Variants in CADM2 observed in about 807,000 individuals in gnomAD.
CADM2 encodes immunoglobulin superfamily member 4D.
CADM2 carries 12 observed loss-of-function variants against 49.8 expected under a neutral mutation model. That is an observed-to-expected ratio of 0.24 (90% CI 0.15 to 0.39). The LOEUF is 0.39. CADM2 is among the 10% of genes least tolerant of loss of function. The pLI is 1.00. For synonymous variants in CADM2, 214 were observed against 175.4 expected (o/e 1.22, Z -1.74); for missense variants, 378 against 492.3 (o/e 0.77, Z 2.20).
At chr3:85,176,412 T>A (rs1217027642) in intron 1 of CADM2, among the ~76,000 whole-genome samples, 1 of 152,220 alleles carries the variant, frequency 6.6e-6, no homozygotes, top group Non-Finnish European at 1.5e-5. Context: ...TTGGGAATAA[T>A]TTTGAAATGA....
intron 1 of CADM2, among the ~76,000 whole-genome samples, chr3:85,511,361 C>T (rs2040609025): frequency 6.6e-6 from 1 of 152,086 alleles, no homozygotes; most frequent in African/African-American, 2.4e-5. Flanking sequence ...AATTTGCAAA[C>T]AGTGTAATTC....
chr3:85,574,901 A>G (rs1197703056), intron 1 of CADM2, among the ~76,000 whole-genome samples: 1 of 152,174 alleles, frequency 6.6e-6, no homozygotes, highest in Non-Finnish European at 1.5e-5. Context: ...GTTGTGACCT[A>G]GCTAATCCCA....
intron 1 of CADM2, among the ~76,000 whole-genome samples, chr3:85,452,103 T>C (rs925566940): frequency 7.9e-5 from 12 of 152,152 alleles, no homozygotes; most frequent in South Asian, 2.1e-4. Context: ...TTGCCTTTTC[T>C]AGCATGTGAT....
intron 8 of CADM2, among the ~76,000 whole-genome samples, chr3:86,038,195 CA>C (rs1735416202): frequency 6.6e-6 from 1 of 152,078 alleles, no homozygotes; most frequent in Non-Finnish European, 1.5e-5. Context: ...CAACAAAAAA[CA>C]AAAACTACAT....
intron 6 of CADM2, among the ~76,000 whole-genome samples, chr3:85,920,179 A>G (rs548796823): frequency 6.6e-6 from 1 of 152,044 alleles, no homozygotes; most frequent in South Asian, 2.1e-4. Flanking sequence ...GAAGACGAAT[A>G]TTCCAAGGAG....
At chr3:85,639,335 C>T (rs2064630788) in intron 1 of CADM2, among the ~76,000 whole-genome samples, 1 of 152,156 alleles carries the variant, frequency 6.6e-6, no homozygotes, top group Non-Finnish European at 1.5e-5. Context: ...AGTTATGCAT[C>T]ACTAAACATT....
chr3:85,426,143 C>T (rs78690371), intron 1 of CADM2, among the ~76,000 whole-genome samples: 1,794 of 142,630 alleles, frequency 0.013, 43 homozygotes, highest in African/African-American at 0.042. Flanking sequence ...TTTTTTTTTT[C>T]TTTTTTTTTA....
intron 1 of CADM2, among the ~76,000 whole-genome samples, chr3:85,468,749 A>G (rs2038634782): frequency 6.6e-6 from 1 of 152,152 alleles, no homozygotes; most frequent in Admixed American, 6.5e-5. Flanking sequence ...TTGGGTGGTG[A>G]TACCAGAATA....
chr3:86,065,587 T>A lies in CADM2; in HGVS notation c.971-18T>A, dbSNP rs1376528479. 5 of 1,605,034 alleles carry A rather than the reference T, an allele frequency of 3.1e-6. No individual in the cohort carries two copies. Among genetic ancestry groups the A allele is most frequent in the Non-Finnish European group, 4.2e-6 (5 of 1,177,060 alleles). ...AAATAACACATTAAATAGAACAATA[T>A]TTTCCTGTCTTTTCCAGATCCTAAT... On this transcript the variant is annotated intron_variant, in intron 8 of 9. Coordinates refer to ENST00000383699, the MANE Select transcript of CADM2 (RefSeq NM_001167675.2).
At chr3:85,718,262 A>C (rs1395128758) in intron 1 of CADM2, among the ~76,000 whole-genome samples, 1 of 152,210 alleles carries the variant, frequency 6.6e-6, no homozygotes, top group Non-Finnish European at 1.5e-5. Context: ...TTATAGATTT[A>C]GGGTATTTCT....
chr3:86,041,842 T>A (rs1004013198), intron 8 of CADM2, among the ~76,000 whole-genome samples: 1 of 152,140 alleles, frequency 6.6e-6, no homozygotes, highest in Non-Finnish European at 1.5e-5. Context: ...AAAACACTCC[T>A]CAGCAAATGT....
At chr3:85,049,005 G>C (rs962134905) in intron 1 of CADM2, among the ~76,000 whole-genome samples, 1 of 152,126 alleles carries the variant, frequency 6.6e-6, no homozygotes, top group Non-Finnish European at 1.5e-5. Context: ...ATAATGGATG[G>C]TAGGAAGGGA....
chr3:86,030,038 G>C (rs1734370874), intron 8 of CADM2, among the ~76,000 whole-genome samples: 1 of 151,888 alleles, frequency 6.6e-6, no homozygotes, highest in African/African-American at 2.4e-5. Flanking sequence ...AAATGTGTAG[G>C]TTAAGGAAGG....
At chr3:85,943,727 C>A (rs1342557477) in intron 7 of CADM2, among the ~76,000 whole-genome samples, 3 of 151,742 alleles carry the variant, frequency 2.0e-5, no homozygotes, top group Non-Finnish European at 4.4e-5. Context: ...CCAAACAGAG[C>A]CCTCAGAAAT....
At position 85,136,044 on chromosome 3, in the gene CADM2, A is replaced by C. The variant is rs1329305398; in HGVS notation, c.61+176376A>C. On this transcript the variant is annotated intron_variant, in intron 1 of 9. Coordinates refer to ENST00000383699, the MANE Select transcript of CADM2 (RefSeq NM_001167675.2). ...GTGTTTTATTGTGAAAATGGTTTCAAGTATCGTTGTCTGTACATTTGGATA... is the reference window on the plus strand; with the variant it reads ...GTGTTTTATTGTGAAAATGGTTTCACGTATCGTTGTCTGTACATTTGGATA... Among the ~76,000 whole-genome samples the C allele has an allele frequency of 3.9e-5, 6 of 152,114 alleles. No individual in the cohort carries two copies. In the East Asian group the frequency reaches 1.2e-3, roughly 29 times the overall value.
chr3:85,733,537 T>C (rs753680766), intron 2 of CADM2, among the ~76,000 whole-genome samples: 21 of 152,166 alleles, frequency 1.4e-4, no homozygotes, highest in Non-Finnish European at 2.9e-4. Context: ...TATATTCCAT[T>C]TGCAAGTCTA....
intron 1 of CADM2, among the ~76,000 whole-genome samples, chr3:85,557,549 A>T (rs2061991662): frequency 6.6e-6 from 1 of 151,828 alleles, no homozygotes; most frequent in Admixed American, 6.6e-5. Context: ...TAATAATGAA[A>T]TATAAATTAA....
intron 1 of CADM2, among the ~76,000 whole-genome samples, chr3:85,457,166 A>G (rs550308752): frequency 9.9e-4 from 151 of 152,232 alleles, no homozygotes; most frequent in Non-Finnish European, 1.8e-3. Flanking sequence ...TAATCCCAGC[A>G]CTTTGGGAGG....
chr3:85,988,755 T>A (rs996031948), intron 8 of CADM2, among the ~76,000 whole-genome samples: 1 of 152,160 alleles, frequency 6.6e-6, no homozygotes, highest in Non-Finnish European at 1.5e-5. Flanking sequence ...TTATAATAAA[T>A]TAAAATACCT....
Sources: gnomAD v4.1 joint callset for allele counts (sites outside exome capture counted in the v4.1 genomes callset) on GRCh38, gnomAD v4.1.1 for gene constraint, MANE v1.5 for transcripts, NCBI Gene and HGNC (gene_info 2026-07-23, HGNC 2026-07-21) for gene names.